Variants in ADAMTS18 observed in about 807,000 individuals in gnomAD.
ADAMTS18 encodes A disintegrin and metalloproteinase with thrombospondin motifs 18.
A neutral mutation model predicts 165.9 loss-of-function variants in ADAMTS18; 157 were observed. The observed-to-expected ratio is 0.95, with a 90% CI of 0.83 to 1.08. ADAMTS18 has a LOEUF of 1.08. ADAMTS18 is among the 50% of genes least tolerant of loss of function. The pLI is 0.00. For synonymous variants in ADAMTS18, 782 were observed against 578.2 expected (o/e 1.35, Z -5.06); for missense variants, 2,040 against 1,534.0 (o/e 1.33, Z -5.51).
At chr16:77,290,544 A>T (rs3743748) in intron 21 of ADAMTS18, 6 of 152,326 alleles carry the variant, frequency 3.9e-5, no homozygotes, top group African/African-American at 1.5e-4. Flanking sequence ...AGATCCTCCC[A>T]GATAGATAAC....
chr16:77,315,042 T>G (rs2055862499), intron 16 of ADAMTS18, among the ~76,000 whole-genome samples: 2 of 151,454 alleles, frequency 1.3e-5, no homozygotes, highest in African/African-American at 4.9e-5. Context: ...AATTTAAGGT[T>G]ATGTGTTTTA....
At chr16:77,423,253 C>CAGAGTAGTTAATA (rs1165630129) in intron 3 of ADAMTS18, among the ~76,000 whole-genome samples, 1 of 152,120 alleles carries the variant, frequency 6.6e-6, no homozygotes, top group Admixed American at 6.5e-5. Context: ...TGTTAATAGC[C>CAGAGTAGTTAATA]AGAGTAGTTA....
At position 77,282,904 on chromosome 16, in the gene ADAMTS18, C is replaced by CTTTTTTTTT. The variant is rs1331401019; in HGVS notation, c.*1051_*1052insAAAAAAAAA. 2.0e-3 allele frequency: 156 copies of CTTTTTTTTT among 77,602 alleles called. No individual in the cohort carries two copies. The highest frequency in any genetic ancestry group is 3.4e-3 in the East Asian group (11 of 3,258). 4.8% of individuals were successfully genotyped at this position (77,602 alleles called of 1,614,324 possible). ...TACCACTGTTTACTCCTTTCTTTCTCTCTTTTTTTTTTTTTTTTTTTTGCT... is the reference window on the plus strand; with the variant it reads ...TACCACTGTTTACTCCTTTCTTTCTCTTTTTTTTTTCTTTTTTTTTTTTTTTTTTTTGCT... On this transcript the variant is annotated 3_prime_UTR_variant, in exon 23 of 23. Transcript: ENST00000282849.
At position 77,417,940 on chromosome 16, in the gene ADAMTS18, C is replaced by G. The variant is rs543692482; in HGVS notation, c.495+13355G>C. On this transcript the variant is annotated intron_variant, in intron 3 of 22. Coordinates refer to ENST00000282849, the MANE Select transcript of ADAMTS18 (RefSeq NM_199355.4). ...TCAAGAGAATATAGAGGACATTTAA[C>G]TTTGGTCTTAGGTCAACTGCAAAAG... 2.0e-5 allele frequency among the ~76,000 whole-genome samples: 3 copies of G among 152,220 alleles called. No individual in the cohort carries two copies. In the East Asian group the frequency reaches 5.8e-4, roughly 29 times the overall value.
chr16:77,342,729 G>C (rs1269821002), intron 10 of ADAMTS18, among the ~76,000 whole-genome samples: 1 of 152,138 alleles, frequency 6.6e-6, no homozygotes, highest in East Asian at 1.9e-4. Context: ...TACTAATCCT[G>C]GGATCCTGTG....
rs748388514 is a variant in ADAMTS18, at chr16:77,367,412, A to G, written c.778+29T>C. On this transcript the variant is annotated intron_variant, in intron 4 of 22. Coordinates refer to ENST00000282849, the MANE Select transcript of ADAMTS18 (RefSeq NM_199355.4). ...AAAACCTGTCGAGGCCCACATAAGA[A>G]CAGAAAAAGAAAAAGTTTCCTTACA... The G allele has an allele frequency of 4.3e-6, 7 of 1,613,670 alleles. No individual in the cohort carries two copies. In the East Asian group the frequency reaches 1.6e-4, roughly 36 times the overall value.
At chr16:77,327,540 G>C (rs1174984844) in intron 12 of ADAMTS18, among the ~76,000 whole-genome samples, 2 of 152,128 alleles carry the variant, frequency 1.3e-5, no homozygotes, top group Non-Finnish European at 2.9e-5. Flanking sequence ...GGTGTATATA[G>C]ACCATGGACT....
Position 77,293,165 on chromosome 16 carries a change from G to C in ADAMTS18, c.3100C>G (p.Leu1034Val). The change falls in exon 20 of 23, where the codon CTC becomes GTC. Residue 1034 changes from leucine (L) to valine (V), a missense_variant. Transcript: ENST00000282849. Reference sequence around the variant, plus strand: ...CCCTCCTGCAGCTCAGGTCTGGGGAGACTGGTACACTGGCTCTCGGGGAGG... The same window carrying C: ...CCCTCCTGCAGCTCAGGTCTGGGGACACTGGTACACTGGCTCTCGGGGAGG... ...ETLPESQCTS[L>V]PRPELQEGCV... 6.2e-7 allele frequency: 1 copy of C among 1,613,992 alleles called. No homozygotes were observed. Among genetic ancestry groups the C allele is most frequent in the Non-Finnish European group, 8.5e-7 (1 of 1,179,996 alleles).
At chr16:77,382,500 G>A (rs776128050) in intron 3 of ADAMTS18, among the ~76,000 whole-genome samples, 9 of 152,158 alleles carry the variant, frequency 5.9e-5, no homozygotes, top group African/African-American at 9.7e-5. Flanking sequence ...GTGAGCCACC[G>A]TGCCTGGCCC....
chr16:77,384,635 A>G (rs973549061), intron 3 of ADAMTS18, among the ~76,000 whole-genome samples: 1 of 152,208 alleles, frequency 6.6e-6, no homozygotes, highest in Non-Finnish European at 1.5e-5. Flanking sequence ...AACCCTGGCT[A>G]ACACCCAACT....
chr16:77,366,426 C>T (rs1179216887), intron 4 of ADAMTS18, among the ~76,000 whole-genome samples: 5 of 152,070 alleles, frequency 3.3e-5, no homozygotes, highest in African/African-American at 4.8e-5. Flanking sequence ...GGCGTGCTGG[C>T]GTGCGCCTAT....
chr16:77,367,650 T>C lies in ADAMTS18; in HGVS notation c.569A>G (p.Asn190Ser), dbSNP rs148615839. ...PLPQLLAQEHNYSSPAGHHPH... is the reference protein window; with the variant it reads ...PLPQLLAQEHSYSSPAGHHPH... ...ATGGTGACCCGCAGGGGAGCTGTAGTTGTGTTCCTGGGCCAGAAGCTGAGG... is the reference window on the plus strand; with the variant it reads ...ATGGTGACCCGCAGGGGAGCTGTAGCTGTGTTCCTGGGCCAGAAGCTGAGG... The change falls in exon 4 of 23, where the codon AAC (asparagine) becomes AGC (serine). Residue 190 changes from asparagine (N) to serine (S), a missense_variant. Transcript: ENST00000282849. The C allele has an allele frequency of 3.2e-5, 51 of 1,614,182 alleles. No individual in the cohort carries two copies. In the African/African-American group the frequency reaches 6.4e-4, roughly 20 times the overall value.
At chr16:77,344,176 T>TATATAC (rs1386864821) in intron 10 of ADAMTS18, among the ~76,000 whole-genome samples, 12 of 147,328 alleles carry the variant, frequency 8.1e-5, no homozygotes, top group Admixed American at 1.4e-4. Context: ...TATATATATA[T>TATATAC]ACACATACAG....
At chr16:77,332,634 A>T (rs939631181) in intron 12 of ADAMTS18, among the ~76,000 whole-genome samples, 2 of 152,196 alleles carry the variant, frequency 1.3e-5, no homozygotes, top group African/African-American at 4.8e-5. Context: ...TGTCTACATC[A>T]TTCTGCCAAC....
chr16:77,359,234 T>G, intron 8 of ADAMTS18, 84 bp downstream of exon 8: 2 of 1,202,560 alleles, frequency 1.7e-6, no homozygotes, highest in Non-Finnish European at 2.4e-6. Context: ...TTGTTCTGCC[T>G]AAGTCAACAA....
At chr16:77,321,963 C>T (rs1174228738) in intron 14 of ADAMTS18, among the ~76,000 whole-genome samples, 3 of 152,052 alleles carry the variant, frequency 2.0e-5, no homozygotes, top group South Asian at 2.1e-4. Flanking sequence ...CAAGACCAGT[C>T]GGGCCAACAT....
At chr16:77,380,054 G>T (rs1185704395) in intron 3 of ADAMTS18, among the ~76,000 whole-genome samples, 1 of 152,172 alleles carries the variant, frequency 6.6e-6, no homozygotes, top group Admixed American at 6.5e-5. Context: ...TGCTGCCGAG[G>T]TCCTCAGAAA....
At chr16:77,284,802 G>C (rs969934477) in intron 22 of ADAMTS18, among the ~76,000 whole-genome samples, 3 of 152,084 alleles carry the variant, frequency 2.0e-5, no homozygotes, top group Non-Finnish European at 4.4e-5. Context: ...TTCTGATTGA[G>C]AAGGGCTGTC....
At chr16:77,427,682 G>A (rs1040000561) in intron 3 of ADAMTS18, among the ~76,000 whole-genome samples, 1 of 152,114 alleles carries the variant, frequency 6.6e-6, no homozygotes, top group Non-Finnish European at 1.5e-5. Flanking sequence ...CATAACAGTA[G>A]GCAGTTTTTA....
Sources: gnomAD v4.1 joint callset for allele counts (sites outside exome capture counted in the v4.1 genomes callset) on GRCh38, gnomAD v4.1.1 for gene constraint, MANE v1.5 for transcripts, NCBI Gene and HGNC (gene_info 2026-07-23, HGNC 2026-07-21) for gene names.